The following MDGA2 variants were observed in gnomAD, a reference collection of about 807,000 sequenced individuals.
The protein encoded by MDGA2 is MAM domain containing glycosylphosphatidylinositol anchor 2, also known as MAM domain-containing glycosylphosphatidylinositol anchor protein 2.
A neutral mutation model predicts 117.8 loss-of-function variants in MDGA2; 40 were observed. The ratio of observed to expected loss-of-function variants is 0.34; its 90% CI spans 0.26 to 0.44. MDGA2 has a LOEUF of 0.44. Ranked by LOEUF, MDGA2 falls within the 20% of genes least tolerant of loss-of-function variation. MDGA2 has a pLI of 1.00. For synonymous variants in MDGA2, 452 were observed against 439.0 expected, an observed-to-expected ratio of 1.03 and a Z score of -0.37; for missense variants, 1,123 against 1,250.6, an observed-to-expected ratio of 0.90 and a Z score of 1.54.
intron 5 of MDGA2, among the ~76,000 whole-genome samples, chr14:47,107,431 C>T (rs1880771319): frequency 6.6e-6 from 1 of 152,106 alleles, no homozygotes; most frequent in African/African-American, 2.4e-5. Context: ...TGTTCTAGAT[C>T]TCAAACATGC....
intron 3 of MDGA2, among the ~76,000 whole-genome samples, chr14:47,171,948 C>T (rs1490072985): frequency 6.6e-6 from 1 of 152,148 alleles, no homozygotes; most frequent in African/African-American, 2.4e-5. Flanking sequence ...CACCCTAATA[C>T]TGCGCTTTTC....
At chr14:47,132,197 T>G (rs1292009155) in intron 4 of MDGA2, among the ~76,000 whole-genome samples, 3 of 151,894 alleles carry the variant, frequency 2.0e-5, no homozygotes, top group Non-Finnish European at 1.5e-5. Context: ...AGCAGTGTAC[T>G]TAATAATGGA....
chr14:46,986,589 C>A (rs1886867512), intron 8 of MDGA2, among the ~76,000 whole-genome samples: 1 of 152,058 alleles, frequency 6.6e-6, no homozygotes, highest in African/African-American at 2.4e-5. Flanking sequence ...TCCAGATAGT[C>A]TCAAACAGGC....
intron 5 of MDGA2, among the ~76,000 whole-genome samples, chr14:47,114,496 G>A (rs1187933548): frequency 6.6e-6 from 1 of 152,060 alleles, no homozygotes; most frequent in Non-Finnish European, 1.5e-5. Context: ...CAAAGCTGGA[G>A]GCATCACACT....
chr14:47,238,332 C>T (rs1387018232), intron 2 of MDGA2, among the ~76,000 whole-genome samples: 1 of 152,014 alleles, frequency 6.6e-6, no homozygotes, highest in East Asian at 1.9e-4. Context: ...TTGTGTAGAT[C>T]TTGTTGATTG....
intron 1 of MDGA2, among the ~76,000 whole-genome samples, chr14:47,310,804 C>T (rs1184889899): frequency 2.6e-5 from 4 of 152,064 alleles, no homozygotes; most frequent in Admixed American, 6.6e-5. Context: ...ATGGAGCTTA[C>T]CTCTTGCCTT....
At chr14:47,465,099 A>T (rs1221621086) in intron 1 of MDGA2, among the ~76,000 whole-genome samples, 1 of 152,112 alleles carries the variant, frequency 6.6e-6, no homozygotes, top group Non-Finnish European at 1.5e-5. Flanking sequence ...AAAGTGGAGA[A>T]ATGACTCCCT....
At chr14:46,907,224 T>C (rs1484424249) in intron 10 of MDGA2, among the ~76,000 whole-genome samples, 1 of 152,082 alleles carries the variant, frequency 6.6e-6, no homozygotes, top group Non-Finnish European at 1.5e-5. Context: ...GTGATCCTCC[T>C]GCCTTGGCCT....
At chr14:47,360,143 G>A (rs1245921499) in intron 1 of MDGA2, among the ~76,000 whole-genome samples, 1 of 152,018 alleles carries the variant, frequency 6.6e-6, no homozygotes. Context: ...CCTGAGGTAT[G>A]GAGTTCGAGA....
At chr14:47,618,689 C>A (rs938336634) in intron 1 of MDGA2, among the ~76,000 whole-genome samples, 1 of 152,136 alleles carries the variant, frequency 6.6e-6, no homozygotes, top group Non-Finnish European at 1.5e-5. Context: ...GTACTTTTAA[C>A]TGGCCACAAA....
chr14:47,317,131 C>T (rs1889832617), intron 1 of MDGA2, among the ~76,000 whole-genome samples: 2 of 152,046 alleles, frequency 1.3e-5, no homozygotes, highest in African/African-American at 4.8e-5. Flanking sequence ...AGTCTCTAGC[C>T]AAACATTTAG....
chr14:47,091,211 T>C (rs1419188654), intron 6 of MDGA2, among the ~76,000 whole-genome samples: 1 of 152,124 alleles, frequency 6.6e-6, no homozygotes, highest in Admixed American at 6.6e-5. Flanking sequence ...AGAAATCTAA[T>C]ATGAGCTGAT....
At chr14:47,570,283 T>C (rs1895995285) in intron 1 of MDGA2, among the ~76,000 whole-genome samples, 1 of 152,124 alleles carries the variant, frequency 6.6e-6, no homozygotes, top group Admixed American at 6.6e-5. Flanking sequence ...GCAAATGTAA[T>C]TGCGGTTTTT....
intron 2 of MDGA2, among the ~76,000 whole-genome samples, chr14:47,286,195 C>A (rs1040916419): frequency 6.6e-5 from 10 of 152,084 alleles, no homozygotes; most frequent in African/African-American, 1.9e-4. Flanking sequence ...TTGGAAGTAA[C>A]AATCACCTCA....
intron 6 of MDGA2, among the ~76,000 whole-genome samples, chr14:47,077,898 AAGAT>A (rs1342046611): frequency 6.6e-6 from 1 of 152,082 alleles, no homozygotes; most frequent in Non-Finnish European, 1.5e-5. Flanking sequence ...AAAATGGTAT[AAGAT>A]AGAGTGATGA....
intron 2 of MDGA2, among the ~76,000 whole-genome samples, chr14:47,288,649 T>C (rs1888771568): frequency 6.6e-6 from 1 of 152,118 alleles, no homozygotes; most frequent in Non-Finnish European, 1.5e-5. Flanking sequence ...AAGAAATCAA[T>C]GTTTGCTGAT....
intron 10 of MDGA2, among the ~76,000 whole-genome samples, chr14:46,906,418 G>C (rs926436219): frequency 2.0e-5 from 3 of 152,140 alleles, no homozygotes; most frequent in South Asian, 4.1e-4. Flanking sequence ...AAGTAAATAG[G>C]TGCCTAGGAC....
chr14:47,166,067 G>A (rs949472880), intron 3 of MDGA2, among the ~76,000 whole-genome samples: 14 of 130,230 alleles, frequency 1.1e-4, no homozygotes, highest in African/African-American at 2.6e-4. Context: ...ACAGAGTCTC[G>A]CTCTGTTGCC....
intron 7 of MDGA2, among the ~76,000 whole-genome samples, chr14:47,053,095 G>A (rs1020996943): frequency 2.0e-5 from 3 of 151,906 alleles, no homozygotes; most frequent in African/African-American, 7.2e-5. Context: ...CTGTGAAGAT[G>A]CTCTAAATAC....
Sources: gnomAD v4.1 joint callset for allele counts (sites outside exome capture counted in the v4.1 genomes callset) on GRCh38, gnomAD v4.1.1 for gene constraint, MANE v1.5 for transcripts, NCBI Gene and HGNC (gene_info 2026-07-23, HGNC 2026-07-21) for gene names.